Variants in KIF20A observed in about 807,000 individuals in gnomAD.
The protein encoded by KIF20A is kinesin-like protein KIF20A.
In KIF20A, 66 loss-of-function variants were observed where a neutral mutation model predicts 113.0. The ratio of observed to expected loss-of-function variants is 0.58; its 90% CI spans 0.48 to 0.72. The LOEUF is 0.72. KIF20A is among the 30% of genes least tolerant of loss of function. KIF20A has a pLI of 0.00. For missense variants in KIF20A, 927 were observed against 1,077.6 expected, an observed-to-expected ratio of 0.86 and a Z score of 1.96; for synonymous variants, 376 against 402.3, an observed-to-expected ratio of 0.93 and a Z score of 0.78.
chr5:138,179,644 T>C lies in KIF20A; in HGVS notation c.-21-16T>C, dbSNP rs555386967. Reference sequence around the variant, plus strand: ...TAAAGGTTCTTCTCCCTGCCCACTTTTTGGTCTCTTTTTAGACCTAGGCTG... The same window carrying C: ...TAAAGGTTCTTCTCCCTGCCCACTTCTTGGTCTCTTTTTAGACCTAGGCTG... On this transcript the variant is annotated splice_polypyrimidine_tract_variant and intron_variant, in intron 1 of 18. Transcript: ENST00000394894. The C allele has an allele frequency of 1.2e-6, 2 of 1,612,060 alleles. No individual in the cohort carries two copies. Among genetic ancestry groups the C allele is most frequent in the East Asian group, 2.2e-5 (1 of 44,860 alleles).
chr5:138,179,865 G>T lies in KIF20A; in HGVS notation c.165+20G>T, dbSNP rs1390048368. 1 of 1,612,508 alleles carries T rather than the reference G, an allele frequency of 6.2e-7. No individual in the cohort carries two copies. The highest frequency in any genetic ancestry group is 2.2e-5 in the East Asian group (1 of 44,840). On this transcript the variant is annotated intron_variant, in intron 2 of 18. Transcript: ENST00000394894. ...CAGCAGGTAAAGGAACTGGGGAGTGGCTGGGGCGGAAAGTGATATCCTCAG... is the reference window on the plus strand; with the variant it reads ...CAGCAGGTAAAGGAACTGGGGAGTGTCTGGGGCGGAAAGTGATATCCTCAG...
rs763118018 is a variant in KIF20A, at chr5:138,187,050, T to C, written c.2356-46T>C. The C allele has an allele frequency of 4.8e-6, 7 of 1,460,596 alleles. No homozygotes were observed. The Admixed American group carries it at 1.2e-4, about 25-fold the overall frequency. 90.5% of individuals were successfully genotyped at this position (1,460,596 alleles called of 1,614,324 possible). A position where few individuals can be genotyped will look rare whatever the true frequency, so the allele number is the denominator to read the frequency against. ...ACCCTTAGCCCTCTCGTTTCTCTAA[T>C]ATACCAGACAAAAGTGTTTTCTATA... On this transcript the variant is annotated intron_variant, in intron 18 of 18. Coordinates refer to ENST00000394894, the MANE Select transcript of KIF20A (RefSeq NM_005733.3).
At chr5:138,180,876 T>C (rs1230936906) in intron 2 of KIF20A, among the ~76,000 whole-genome samples, 2 of 152,192 alleles carry the variant, frequency 1.3e-5, no homozygotes, top group Admixed American at 6.5e-5. Context: ...GGGGTTTTGC[T>C]GTGTTGGCCA....
In KIF20A at chr5:138,182,715, A is replaced by G; in HGVS notation, c.644A>G (p.Lys215Arg). The change falls in exon 6 of 19, where the codon AAG becomes AGG. Residue 215 changes from lysine to arginine, a missense_variant. Physicochemically the swap from Lys to Arg is conservative, Grantham distance 26. Coordinates refer to ENST00000394894, the MANE Select transcript of KIF20A (RefSeq NM_005733.3). ...AATGAGGTAATCTGGCTAGACAGCA[A>G]GCAGATCCGACAGGAGGAAATGAAG... Reference protein sequence around the residue: ...LSNEVIWLDSKQIRQEEMKKL... With the variant: ...LSNEVIWLDSRQIRQEEMKKL... 6.2e-7 allele frequency: 1 copy of G among 1,614,114 alleles called. No homozygotes were observed. The highest frequency in any genetic ancestry group is 1.6e-4 in the Middle Eastern group (1 of 6,062).
Position 138,183,153 on chromosome 5 carries a change from T to C in KIF20A, c.833-16T>C. ...CTGCTCTAGGTTGATGCCCTATACATTGGCTTCTTCTCCAGAAACAAGTCA... is the reference window on the plus strand; with the variant it reads ...CTGCTCTAGGTTGATGCCCTATACACTGGCTTCTTCTCCAGAAACAAGTCA... On this transcript the variant is annotated splice_polypyrimidine_tract_variant and intron_variant, in intron 7 of 18. Transcript: ENST00000394894. The surrounding 1 kb of genome is among the most constrained non-coding windows in gnomAD (Gnocchi z 5.2). 2 of 1,613,286 alleles carry C rather than the reference T, an allele frequency of 1.2e-6. No homozygotes were observed. Among genetic ancestry groups the C allele is most frequent in the Non-Finnish European group, 1.7e-6 (2 of 1,179,546 alleles).
At chr5:138,186,153 GCA>G (rs1754741519) in intron 17 of KIF20A, 101 bp downstream of exon 17, 1 of 1,496,992 alleles carries the variant, frequency 6.7e-7, no homozygotes, top group Non-Finnish European at 9.3e-7. Flanking sequence ...TGTTTTTTGT[GCA>G]CAGTTCTGGA....
chr5:138,182,604 G>T lies in KIF20A; in HGVS notation c.533G>T (p.Gly178Val), dbSNP rs779665695. Residue 178 changes from glycine (G) to valine (V), a missense_variant, in exon 6 of 19, where the codon GGG (glycine) becomes GTG (valine). Physicochemically the swap from Gly to Val is moderately radical, Grantham distance 109 (BLOSUM62 -3). Coordinates refer to ENST00000394894, the MANE Select transcript of KIF20A (RefSeq NM_005733.3). The stretch of plus-strand genomic sequence containing the variant: ...CCTCCAGGTACCATCAAGGATGGAG[G>T]GATTCTCCCCCGGTCCCTGGCGCTG... ...HTIQGTIKDGGILPRSLALIF... is the reference protein window; with the variant it reads ...HTIQGTIKDGVILPRSLALIF... 7 of 1,614,020 alleles carry T rather than the reference G, an allele frequency of 4.3e-6. No individual in the cohort carries two copies. The African/African-American group carries it at 8.0e-5, about 18-fold the overall frequency.
intron 1 of KIF20A, 102 bp from the exon 2 acceptor site, chr5:138,179,558 C>G: frequency 1.2e-6 from 1 of 822,638 alleles, no homozygotes; most frequent in South Asian, 1.7e-5. Flanking sequence ...AAGTAGGAAG[C>G]GGGACACGGT....
rs1333945752 is a variant in KIF20A, at chr5:138,182,389, G to A, written c.442G>A (p.Val148Ile). Reference protein sequence around the residue: ...NLTVKEMVKDVLKGQNWLIYT... With the variant: ...NLTVKEMVKDILKGQNWLIYT... The stretch of plus-strand genomic sequence containing the variant: ...AACTGTGAAGGAGATGGTAAAGGAT[G>A]TACTCAAAGGGCAGAACTGGCTCAT... The change falls in exon 5 of 19, where the codon GTA (valine) becomes ATA (isoleucine). Residue 148 changes from valine (V) to isoleucine (I), a missense_variant. Transcript: ENST00000394894. The A allele has an allele frequency of 1.9e-6, 3 of 1,614,184 alleles. No individual in the cohort carries two copies. The highest frequency in any genetic ancestry group is 3.3e-5 in the Admixed American group (2 of 60,020).
Position 138,183,044 on chromosome 5 carries a change from C to A in KIF20A, c.832+54C>A. On this transcript the variant is annotated intron_variant, in intron 7 of 18. Coordinates refer to ENST00000394894, the MANE Select transcript of KIF20A (RefSeq NM_005733.3). This position sits in a 1 kb window ranked among gnomAD's most constrained non-coding sequence, Gnocchi z 5.2. ...AAATAGTAGGAACTCACTCCCTGTT[C>A]CTAATAGCTGCCAGGAGTACAGACC... 6.2e-7 allele frequency: 1 copy of A among 1,611,418 alleles called. No individual in the cohort carries two copies. The highest frequency in any genetic ancestry group is 1.1e-5 in the South Asian group (1 of 90,850).
Position 138,182,893 on chromosome 5 carries a change from C to G in KIF20A, c.735C>G (p.Val245=). 1 of 1,614,210 alleles carries G rather than the reference C, an allele frequency of 6.2e-7. No individual in the cohort carries two copies. The highest frequency in any genetic ancestry group is 8.5e-7 in the Non-Finnish European group (1 of 1,180,030). The change falls in exon 7 of 19, where the codon GTC becomes GTG. Residue 245 remains valine (V), a synonymous_variant. Coordinates refer to ENST00000394894, the MANE Select transcript of KIF20A (RefSeq NM_005733.3). ...TGTCCACTTCCTTGAAGAGGAGTGTCTACATCGAAAGTCGGATAGGTACCA... is the reference window on the plus strand; with the variant it reads ...TGTCCACTTCCTTGAAGAGGAGTGTGTACATCGAAAGTCGGATAGGTACCA... ...EELSTSLKRS[V]YIESRIGTST...
rs752286975 is a variant in KIF20A at position 138,179,641 on chromosome 5, C to T, written c.-21-19C>T. The T allele has an allele frequency of 1.9e-6, 3 of 1,611,574 alleles. No individual in the cohort carries two copies. The highest frequency in any genetic ancestry group is 1.3e-5 in the African/African-American group (1 of 74,834). On this transcript the variant is annotated intron_variant, in intron 1 of 18. Transcript: ENST00000394894. ...CCCTAAAGGTTCTTCTCCCTGCCCACTTTTTGGTCTCTTTTTAGACCTAGG... is the reference window on the plus strand; with the variant it reads ...CCCTAAAGGTTCTTCTCCCTGCCCATTTTTTGGTCTCTTTTTAGACCTAGG...
chr5:138,187,055 C>T, intron 18 of KIF20A, 41 bp from the exon 19 acceptor site: 1 of 1,497,230 alleles, frequency 6.7e-7, no homozygotes, highest in Non-Finnish European at 9.1e-7. Flanking sequence ...TCTAATATAC[C>T]AGACAAAAGT....
At chr5:138,184,196 T>G in intron 11 of KIF20A, 43 bp from the exon 12 acceptor site, 1 of 1,611,456 alleles carries the variant, frequency 6.2e-7, no homozygotes, top group East Asian at 2.2e-5. Flanking sequence ...CCCAAAGGGC[T>G]GGTGTTCTGC....
rs1482187488 is a variant in KIF20A, at chr5:138,179,694, T to C, written c.14T>C (p.Ile5Thr). ...GCCCCTGCCGTCATGTCGCAAGGGA[T>C]CCTTTCTCCGCCAGCGGGCTTGCTG... MSQG[I>T]LSPPAGLLSD... The change falls in exon 2 of 19, where the codon ATC becomes ACC. Residue 5 changes from isoleucine to threonine, a missense_variant. Coordinates refer to ENST00000394894, the MANE Select transcript of KIF20A (RefSeq NM_005733.3). The C allele has an allele frequency of 1.2e-6, 2 of 1,614,112 alleles. No homozygotes were observed. Among genetic ancestry groups the C allele is most frequent in the Non-Finnish European group, 1.7e-6 (2 of 1,180,012 alleles).
At position 138,183,861 on chromosome 5, in the gene KIF20A, C is replaced by T; in HGVS notation, c.1209-101C>T. 1.3e-6 allele frequency: 2 copies of T among 1,578,314 alleles called. No homozygotes were observed. The highest frequency in any genetic ancestry group is 8.7e-7 in the Non-Finnish European group (1 of 1,151,398). On this transcript the variant is annotated intron_variant, in intron 10 of 18. Transcript: ENST00000394894. This position sits in a 1 kb window ranked among gnomAD's most constrained non-coding sequence, Gnocchi z 5.2. ...ACTATGTGTTCTCCTTCTTTGGGTA[C>T]AGAGATTCTTAGTGGGCCGTCCCCT...
At position 138,183,278 on chromosome 5, in the gene KIF20A, T is replaced by C; in HGVS notation, c.942T>C (p.Tyr314=). ...SFFEIYNELL[Y]DLLEPPSQQR... is the part of the protein sequence containing the mutation. ...TTGAGATCTACAACGAACTGCTTTATGACCTATTAGAACCGCCTAGCCAAC... is the reference window on the plus strand; with the variant it reads ...TTGAGATCTACAACGAACTGCTTTACGACCTATTAGAACCGCCTAGCCAAC... The change falls in exon 8 of 19, where the codon TAT becomes TAC. Residue 314 remains tyrosine, a synonymous_variant. Coordinates refer to ENST00000394894, the MANE Select transcript of KIF20A (RefSeq NM_005733.3). This position sits in a 1 kb window ranked among gnomAD's most constrained non-coding sequence, Gnocchi z 5.2. The C allele has an allele frequency of 6.2e-7, 1 of 1,614,264 alleles. No homozygotes were observed. Among genetic ancestry groups the C allele is most frequent in the Non-Finnish European group, 8.5e-7 (1 of 1,180,046 alleles).
At chr5:138,181,811 C>T in intron 4 of KIF20A, 83 bp downstream of exon 4, 2 of 1,539,808 alleles carry the variant, frequency 1.3e-6, no homozygotes, top group Non-Finnish European at 1.8e-6. Flanking sequence ...GCTTCTCTTC[C>T]TGACTGTGAG....
chr5:138,184,792 G>C lies in KIF20A; in HGVS notation c.1684-15G>C. 1 of 1,613,918 alleles carries C rather than the reference G, an allele frequency of 6.2e-7. No homozygotes were observed. The highest frequency in any genetic ancestry group is 8.5e-7 in the Non-Finnish European group (1 of 1,179,882). On this transcript the variant is annotated splice_polypyrimidine_tract_variant and intron_variant, in intron 13 of 18. Transcript: ENST00000394894. ...ATGAGCATCTGATGACCTCTGACAT[G>C]TGTGTCTCTCCTAGGAGCTCCTACA...
Sources: allele counts gnomAD v4.1 joint callset (sites outside exome capture counted in the v4.1 genomes callset), GRCh38; gene constraint gnomAD v4.1.1; non-coding constraint Gnocchi (gnomAD v3.1); transcripts MANE v1.5; gene names NCBI Gene and HGNC (gene_info 2026-07-23, HGNC 2026-07-21).